SORL1: variants seen among roughly 807,000 people sequenced by gnomAD.
SORL1 encodes the protein sortilin-related receptor.
SORL1 carries 127 observed loss-of-function variants against 273.7 expected under a neutral mutation model. The ratio of observed to expected loss-of-function variants is 0.46; its 90% CI spans 0.40 to 0.54. The LOEUF (loss-of-function observed/expected upper bound fraction) is 0.54, where lower values mean the gene tolerates loss of function less well. Among genes scored for constraint, SORL1 ranks in the 20% least tolerant of loss-of-function variants. The pLI is 0.00. For synonymous variants in SORL1, 1,031 were observed against 1,067.4 expected (o/e 0.97, Z 0.66); for missense variants, 2,494 against 2,846.1 (o/e 0.88, Z 2.81).
At chr11:121,514,370 A>G in intron 8 of SORL1, 49 bp downstream of exon 8, 10 of 1,541,798 alleles carry the variant, frequency 6.5e-6, no homozygotes, top group Non-Finnish European at 8.8e-6. Context: ...CAACACAACC[A>G]TTAGCTTCTC....
chr11:121,590,491 C>T (rs576604117), intron 30 of SORL1: 2 of 503,746 alleles, frequency 4.0e-6, no homozygotes, highest in East Asian at 3.6e-5. Flanking sequence ...TCTGACCTCA[C>T]CCCAGACCTA....
chr11:121,562,210 A>G (rs1862687554), intron 21 of SORL1, among the ~76,000 whole-genome samples: 1 of 152,202 alleles, frequency 6.6e-6, no homozygotes, highest in African/African-American at 2.4e-5. Flanking sequence ...TATTTCAGTC[A>G]CTGGAGCTGA....
intron 12 of SORL1, among the ~76,000 whole-genome samples, chr11:121,540,506 A>C (rs1274941491): frequency 2.8e-5 from 4 of 142,708 alleles, no homozygotes; most frequent in East Asian, 4.6e-4. Context: ...GTGAAATCCT[A>C]TCTCTACTAA....
intron 18 of SORL1, among the ~76,000 whole-genome samples, chr11:121,556,048 G>T (rs1172820625): frequency 1.1e-4 from 17 of 152,210 alleles, no homozygotes; most frequent in Admixed American, 1.1e-3. Flanking sequence ...CCAGATGTAG[G>T]CTTGACTCCA....
In SORL1 at chr11:121,563,689, G is replaced by A. The variant is rs141314374; in HGVS notation, c.3050-3251G>A. On this transcript the variant is annotated intron_variant, in intron 21 of 47. Transcript: ENST00000260197. The surrounding 1 kb of genome is among the most constrained non-coding windows in gnomAD (Gnocchi z 4.2). ...AGGATTTACAGGTGTGAGCCACTGT[G>A]TCTGGCCACTAGCTGGTTTTTAAAT... Among the ~76,000 whole-genome samples the A allele has an allele frequency of 6.6e-6, 1 of 152,320 alleles. No homozygotes were observed. The highest frequency in any genetic ancestry group is 1.9e-4 in the East Asian group (1 of 5,188).
At chr11:121,532,219 C>T (rs968643796) in intron 11 of SORL1, among the ~76,000 whole-genome samples, 2 of 152,178 alleles carry the variant, frequency 1.3e-5, no homozygotes, top group Non-Finnish European at 2.9e-5. Flanking sequence ...TAATATTAAG[C>T]CCGTGTTTCT....
intron 14 of SORL1, among the ~76,000 whole-genome samples, chr11:121,545,815 G>A (rs1005861017): frequency 3.3e-5 from 5 of 152,198 alleles, no homozygotes; most frequent in Admixed American, 1.3e-4. Context: ...ATGTTAGTGT[G>A]TGTATATGTG....
intron 46 of SORL1, among the ~76,000 whole-genome samples, chr11:121,625,652 GGATTTTACATGTAAAATCATATAACT>G (rs1282610924): frequency 1.3e-5 from 2 of 152,148 alleles, no homozygotes; most frequent in South Asian, 2.1e-4. Context: ...TCCTTGTCAT[GGATTTTACATGTAAAATCATATAACT>G]GATTTTACAG....
At chr11:121,568,688 G>A (rs1262440772) in intron 22 of SORL1, among the ~76,000 whole-genome samples, 1 of 152,098 alleles carries the variant, frequency 6.6e-6, no homozygotes, top group African/African-American at 2.4e-5. Flanking sequence ...TTTTAATTCT[G>A]TGTAGACACA....
intron 5 of SORL1, among the ~76,000 whole-genome samples, chr11:121,491,107 AG>A (rs1861546457): frequency 2.0e-5 from 3 of 152,228 alleles, no homozygotes; most frequent in Non-Finnish European, 4.4e-5. Flanking sequence ...CCAAAGGCAC[AG>A]GGATGCGCCA....
chr11:121,520,969 A>T, intron 9 of SORL1, 120 bp downstream of exon 9: 1 of 618,604 alleles, frequency 1.6e-6, no homozygotes, highest in Non-Finnish European at 2.6e-6. Flanking sequence ...TTCTATTAAT[A>T]TCACATGGAG....
rs770541549 is a variant in SORL1 at position 121,520,712 on chromosome 11, G to C, written c.1267G>C (p.Val423Leu). The change falls in exon 9 of 48, where the codon GTC becomes CTC. Residue 423 changes from valine (V) to leucine (L), a missense_variant. Val to Leu is a conservative substitution (Grantham distance 32). Coordinates refer to ENST00000260197, the MANE Select transcript of SORL1 (RefSeq NM_003105.6). ...CCACCGAGTGGAAGGATTGCAAGGA[G>C]TCTACATTGCTACTCTGATTAATGG... ...DFHRVEGLQG[V>L]YIATLINGSM... 2 of 1,607,976 alleles carry C rather than the reference G, an allele frequency of 1.2e-6. No individual in the cohort carries two copies. The highest frequency in any genetic ancestry group is 1.3e-5 in the African/African-American group (1 of 74,790).
At position 121,604,262 on chromosome 11, in the gene SORL1, T is replaced by C. The variant is rs1429115230; in HGVS notation, c.4589T>C (p.Leu1530Pro). 18 of 1,613,962 alleles carry C rather than the reference T, an allele frequency of 1.1e-5. No homozygotes were observed. Among genetic ancestry groups the C allele is most frequent in the Non-Finnish European group, 1.3e-5 (15 of 1,180,028 alleles). ...QCEDGEACIV[L>P]SERCDGFLDC... ...GAGGACGGGGAGGCCTGCATTGTGC[T>C]CTCGGAGCGCTGCGACGGCTTCCTG... The change falls in exon 33 of 48, where the codon CTC becomes CCC. Residue 1530 changes from leucine (L) to proline (P), a missense_variant. Leu to Pro is a moderately conservative substitution (Grantham distance 98). Around this residue, in one of 3 missense-constraint regions of SORL1, gnomAD observed 1,609 missense variants for 1,816.4 expected, o/e 0.89. Transcript: ENST00000260197.
intron 29 of SORL1, 77 bp downstream of exon 29, chr11:121,589,467 C>T (rs966255904): frequency 1.8e-5 from 28 of 1,560,654 alleles, no homozygotes; most frequent in African/African-American, 9.5e-5. Context: ...GGACACTCAC[C>T]GGCAACCCCA....
rs528550691 is a variant in SORL1, at chr11:121,502,390, A to G, written c.939+5341A>G. On this transcript the variant is annotated intron_variant, in intron 6 of 47. Coordinates refer to ENST00000260197, the MANE Select transcript of SORL1 (RefSeq NM_003105.6). ...TAACCTCGTGATCCACCCACCTCGG[A>G]CTCCCAAAGTGCTGGGATTACAGGC... is the stretch of plus-strand genomic sequence containing the variant. 6.4e-3 allele frequency among the ~76,000 whole-genome samples: 977 copies of G among 151,540 alleles called. 13 individuals are homozygous for G. Among genetic ancestry groups the G allele is most frequent in the African/African-American group, 0.023 (942 of 41,336 alleles).
chr11:121,622,107 T>G (rs1033399636), intron 44 of SORL1, 55 bp from the exon 45 acceptor site: 1 of 976,308 alleles, frequency 1.0e-6, no homozygotes, highest in Admixed American at 1.9e-5. Flanking sequence ...GACAAGAAAA[T>G]AGAGTTTCAA....
intron 32 of SORL1, among the ~76,000 whole-genome samples, chr11:121,603,560 C>T (rs1187223509): frequency 2.6e-5 from 4 of 152,232 alleles, no homozygotes; most frequent in African/African-American, 4.8e-5. Flanking sequence ...CATACAGTTG[C>T]ATAACCCTTA....
intron 22 of SORL1, among the ~76,000 whole-genome samples, chr11:121,568,716 G>C (rs747632003): frequency 6.6e-6 from 1 of 152,166 alleles, no homozygotes; most frequent in Non-Finnish European, 1.5e-5. Flanking sequence ...AAGGAGTTCT[G>C]TGTGTAATTA....
Position 121,495,896 on chromosome 11 carries a change from C to T in SORL1, c.759-973C>T, listed in dbSNP as rs541182675. Among the ~76,000 whole-genome samples the T allele has an allele frequency of 9.1e-4, 138 of 152,252 alleles. 1 individual carries two copies. Among genetic ancestry groups the T allele is most frequent in the Admixed American group, 2.3e-3 (35 of 15,294 alleles). On this transcript the variant is annotated intron_variant, in intron 5 of 47. Transcript: ENST00000260197. ...AAATGAAATCTAAGACATGGCCTTC[C>T]GAGGCATCTATACTGTGTCTAGGAA...
Sources: gnomAD v4.1 joint callset for allele counts (sites outside exome capture counted in the v4.1 genomes callset) on GRCh38, gnomAD v4.1.1 for gene constraint, gnomAD v4.1.1 regional missense constraint, Gnocchi (gnomAD v3.1) non-coding constraint, MANE v1.5 for transcripts, NCBI Gene and HGNC (gene_info 2026-07-23, HGNC 2026-07-21) for gene names.